The following SUMF1 variants were observed in gnomAD, a reference collection of about 807,000 sequenced individuals.
SUMF1 encodes formylglycine-generating enzyme.
SUMF1 carries 48 observed loss-of-function variants against 47.6 expected under a neutral mutation model. The observed-to-expected ratio is 1.01, with a 90% CI of 0.80 to 1.28. The LOEUF (loss-of-function observed/expected upper bound fraction) is 1.28. SUMF1 is among the 50% of genes most tolerant of loss of function. The probability of loss-of-function intolerance (pLI) is 0.00; values close to 1 mark genes in which losing one functional copy is unlikely to be tolerated. For missense variants in SUMF1, 571 were observed against 485.4 expected (o/e 1.18, Z -1.66); for synonymous variants, 230 against 192.1 (o/e 1.20, Z -1.63).
intron 8 of SUMF1, among the ~76,000 whole-genome samples, chr3:4,250,973 GGAGTAATCTT>G (rs1696788635): frequency 6.6e-6 from 1 of 152,164 alleles, no homozygotes; most frequent in African/African-American, 2.4e-5. Flanking sequence ...CATAGATCAA[GGAGTAATCTT>G]GACTTTCAAG....
intron 8 of SUMF1, among the ~76,000 whole-genome samples, chr3:4,254,799 A>C (rs1696905059): frequency 6.7e-6 from 1 of 150,164 alleles, no homozygotes; most frequent in African/African-American, 2.4e-5. Context: ...AGCAACTCCA[A>C]GACACATAAT....
chr3:4,462,930 A>G (rs981294006), intron 1 of SUMF1, among the ~76,000 whole-genome samples: 2 of 152,228 alleles, frequency 1.3e-5, no homozygotes, highest in African/African-American at 4.8e-5. Context: ...CAGTTGCCTC[A>G]TCTGTAAAGT....
Position 4,253,296 on chromosome 3 carries a change from TC to T in SUMF1, c.1014+123033del, listed in dbSNP as rs1270353330. On this transcript the variant is annotated intron_variant and NMD_transcript_variant, in intron 8 of 12. Coordinates refer to the SUMF1 transcript ENST00000448413. Reference sequence around the variant, plus strand: ...AATAGGAACAGCTCCGGTCTACAGCTCCCAGCGTGAGTGACGCAGAAGACAG... The same window carrying T: ...AATAGGAACAGCTCCGGTCTACAGCTCCAGCGTGAGTGACGCAGAAGACAG... Among the ~76,000 whole-genome samples, 3 of 152,234 alleles carry T rather than the reference TC, an allele frequency of 2.0e-5. No homozygotes were observed. In the East Asian group the frequency reaches 5.8e-4, roughly 29 times the overall value.
At chr3:4,176,250 G>A (rs977719892) in intron 8 of SUMF1, among the ~76,000 whole-genome samples, 1 of 152,104 alleles carries the variant, frequency 6.6e-6, no homozygotes, top group Non-Finnish European at 1.5e-5. Flanking sequence ...ATTCACCAAG[G>A]TTGAAATGAA....
chr3:4,364,225 G>A (rs1325635981), intron 8 of SUMF1, among the ~76,000 whole-genome samples: 1 of 129,510 alleles, frequency 7.7e-6, no homozygotes, highest in African/African-American at 2.6e-5. Context: ...GTATCAGGAT[G>A]ATGCTGGCCT....
intron 8 of SUMF1, among the ~76,000 whole-genome samples, chr3:4,217,597 T>TAATATATA (rs1695963232): frequency 7.7e-6 from 1 of 130,674 alleles, no homozygotes; most frequent in Non-Finnish European, 1.6e-5. Context: ...TTTGTATATA[T>TAATATATA]TTCACGATTT....
chr3:4,191,807 G>C (rs1337535335), intron 8 of SUMF1, among the ~76,000 whole-genome samples: 1 of 152,092 alleles, frequency 6.6e-6, no homozygotes, highest in Admixed American at 6.6e-5. Flanking sequence ...AGTGAATCAA[G>C]AATTCTGTAA....
At chr3:4,081,237 C>G (rs541632095) in intron 8 of SUMF1, among the ~76,000 whole-genome samples, 1 of 152,218 alleles carries the variant, frequency 6.6e-6, no homozygotes, top group Non-Finnish European at 1.5e-5. Flanking sequence ...AAAGCCAGGA[C>G]CAGAACCCAA....
At chr3:4,150,157 T>TGCA (rs201470742) in intron 8 of SUMF1, among the ~76,000 whole-genome samples, 1,606 of 151,712 alleles carry the variant, frequency 0.011, 35 homozygotes, top group African/African-American at 0.037. Context: ...TGCACTGGCG[T>TGCA]ATTATAGCTC....
rs1367562634 is a variant in SUMF1 at position 4,163,707 on chromosome 3, T to G, written c.1015-94962A>C. Among the ~76,000 whole-genome samples the G allele has an allele frequency of 2.6e-5, 4 of 151,880 alleles. No individual in the cohort carries two copies. In the East Asian group the frequency reaches 7.8e-4, roughly 30 times the overall value. On this transcript the variant is annotated intron_variant and NMD_transcript_variant, in intron 8 of 12. Coordinates refer to the SUMF1 transcript ENST00000448413. ...AGTGGGGCAGAGTTAAAACAACATC[T>G]GGGTTTCCTAACTGCCACTCCCTGT...
In SUMF1 at chr3:4,076,328, TA is replaced by T. The variant is rs564807835; in HGVS notation, c.1015-7584del. 1.8e-3 allele frequency among the ~76,000 whole-genome samples: 270 copies of T among 152,198 alleles called. 4 individuals carry two copies. The highest frequency in any genetic ancestry group is 6.2e-3 in the African/African-American group (256 of 41,476). On this transcript the variant is annotated intron_variant and NMD_transcript_variant, in intron 8 of 12. Coordinates refer to the SUMF1 transcript ENST00000448413. ...AAACTGGATCCCTTCCTTAACACCT[TA>T]TACAAAAATTAACTGAACATGGATT...
At chr3:4,343,636 C>G (rs1007600862) in intron 8 of SUMF1, among the ~76,000 whole-genome samples, 4 of 152,340 alleles carry the variant, frequency 2.6e-5, no homozygotes, top group Non-Finnish European at 5.9e-5. Context: ...GCTGAGCTAC[C>G]TTGGCTGTTC....
At chr3:4,349,778 G>T (rs1303194865) in intron 8 of SUMF1, among the ~76,000 whole-genome samples, 1 of 152,072 alleles carries the variant, frequency 6.6e-6, no homozygotes, top group Non-Finnish European at 1.5e-5. Flanking sequence ...AGTGAGAGTT[G>T]AACATTGAGA....
intron 9 of SUMF1, among the ~76,000 whole-genome samples, chr3:4,044,360 C>T (rs138264006): frequency 1.5e-3 from 221 of 152,278 alleles, no homozygotes; most frequent in Middle Eastern, 6.8e-3. Flanking sequence ...TACTGCCCAT[C>T]ACCACTTTCC....
chr3:4,076,668 T>A (rs1306437901), intron 8 of SUMF1, among the ~76,000 whole-genome samples: 1 of 151,866 alleles, frequency 6.6e-6, no homozygotes, highest in African/African-American at 2.4e-5. Context: ...AAAAACCCCA[T>A]CAAAAAGCGG....
At position 4,432,147 on chromosome 3, in the gene SUMF1, C is replaced by T. The variant is rs116324800; in HGVS notation, c.520-12001G>A. 4.6e-3 allele frequency among the ~76,000 whole-genome samples: 705 copies of T among 151,960 alleles called. 5 individuals carry two copies. The highest frequency in any genetic ancestry group is 0.016 in the African/African-American group (676 of 41,402). ...TAGAATAATCATAACTCATTCACCT[C>T]TTAGTCTTTAGGTTCAGTAATTTAT... On this transcript the variant is annotated intron_variant, in intron 3 of 8. Coordinates refer to ENST00000272902, the MANE Select transcript of SUMF1 (RefSeq NM_182760.4).
chr3:4,204,642 G>C (rs373138796), intron 8 of SUMF1, among the ~76,000 whole-genome samples: 11 of 152,050 alleles, frequency 7.2e-5, no homozygotes, highest in African/African-American at 2.2e-4. Flanking sequence ...CTCTTTTCTT[G>C]ATCTTATAGG....
chr3:4,409,834 C>T (rs1183028454), intron 7 of SUMF1, among the ~76,000 whole-genome samples: 1 of 152,208 alleles, frequency 6.6e-6, no homozygotes, highest in Non-Finnish European at 1.5e-5. Context: ...ATGTGTTATT[C>T]TGTGAAGAAA....
intron 8 of SUMF1, among the ~76,000 whole-genome samples, chr3:4,234,947 A>G (rs1407928096): frequency 6.6e-6 from 1 of 152,200 alleles, no homozygotes; most frequent in East Asian, 1.9e-4. Context: ...ACATATCCAT[A>G]TATGTATAAT....
Sources: allele counts gnomAD v4.1 joint callset (sites outside exome capture counted in the v4.1 genomes callset), GRCh38; gene constraint gnomAD v4.1.1; transcripts MANE v1.5; gene names NCBI Gene and HGNC (gene_info 2026-07-23, HGNC 2026-07-21).